PARD3B: variants seen among roughly 807,000 people sequenced by gnomAD.
PARD3B encodes the protein partitioning defective 3 homolog B.
PARD3B carries 103 observed loss-of-function variants against 130.2 expected under a neutral mutation model. The observed-to-expected ratio is 0.79, with a 90% CI of 0.67 to 0.93. PARD3B has a LOEUF of 0.93. PARD3B is among the 40% of genes least tolerant of loss of function. PARD3B has a pLI of 0.00. For missense variants in PARD3B, 1,609 were observed against 1,499.2 expected (o/e 1.07, Z -1.21); for synonymous variants, 583 against 553.2 (o/e 1.05, Z -0.76).
intron 15 of PARD3B, among the ~76,000 whole-genome samples, chr2:205,226,478 T>A (rs975388340): frequency 1.3e-5 from 2 of 152,236 alleles, no homozygotes; most frequent in African/African-American, 4.8e-5. Flanking sequence ...TGTAGTAGTT[T>A]CATGGTTTGG....
chr2:205,402,397 C>G (rs994620599), intron 19 of PARD3B, among the ~76,000 whole-genome samples: 2 of 152,232 alleles, frequency 1.3e-5, no homozygotes, highest in Admixed American at 1.3e-4. Flanking sequence ...GGGGAGCCTA[C>G]ATCATAGATC....
At chr2:204,784,008 T>A (rs1316352144) in intron 2 of PARD3B, among the ~76,000 whole-genome samples, 1 of 152,150 alleles carries the variant, frequency 6.6e-6, no homozygotes, top group African/African-American at 2.4e-5. Flanking sequence ...GTTCCTGGGT[T>A]CAGAAGTGTA....
chr2:204,984,638 G>A (rs539201454), intron 3 of PARD3B, among the ~76,000 whole-genome samples: 2 of 152,112 alleles, frequency 1.3e-5, no homozygotes. Flanking sequence ...GCAGGAAATG[G>A]AGCGGCCCTG....
intron 2 of PARD3B, among the ~76,000 whole-genome samples, chr2:204,897,076 T>A (rs1193723895): frequency 1.3e-5 from 2 of 152,242 alleles, no homozygotes; most frequent in East Asian, 3.9e-4. Context: ...ATTTTAAGTG[T>A]TTTTCCCTTA....
intron 3 of PARD3B, among the ~76,000 whole-genome samples, chr2:205,022,229 A>T (rs1696666530): frequency 6.6e-6 from 1 of 152,186 alleles, no homozygotes; most frequent in Non-Finnish European, 1.5e-5. Flanking sequence ...TTCTATTATG[A>T]ATACTATGCC....
intron 1 of PARD3B, among the ~76,000 whole-genome samples, chr2:204,662,580 G>A (rs2125186806): frequency 6.6e-6 from 1 of 152,278 alleles, no homozygotes; most frequent in East Asian, 1.9e-4. Context: ...AGTGCTTCAT[G>A]TGTACTTCCT....
At chr2:205,260,638 A>G (rs2040268247) in intron 16 of PARD3B, among the ~76,000 whole-genome samples, 1 of 152,120 alleles carries the variant, frequency 6.6e-6, no homozygotes. Context: ...TCACTTTCAT[A>G]TAATTTCTTG....
intron 19 of PARD3B, among the ~76,000 whole-genome samples, chr2:205,406,351 T>A (rs1201925302): frequency 6.6e-6 from 1 of 152,192 alleles, no homozygotes; most frequent in Non-Finnish European, 1.5e-5. Flanking sequence ...AGAGGTAGTA[T>A]TCAGCTTAAT....
chr2:204,781,245 A>G (rs1316651185), intron 2 of PARD3B, among the ~76,000 whole-genome samples: 3 of 152,116 alleles, frequency 2.0e-5, no homozygotes, highest in Admixed American at 6.6e-5. Context: ...TTTTAGCTCA[A>G]TGCTAGGTTC....
rs143071349 is a variant in PARD3B, at chr2:204,845,339, G to A, written c.223-119813G>A. Reference sequence around the variant, plus strand: ...TTTCTGCTTTGAACAACTTTTTCATGTGGAAAACCTTAACTTTTTATAGGT... The same window carrying A: ...TTTCTGCTTTGAACAACTTTTTCATATGGAAAACCTTAACTTTTTATAGGT... On this transcript the variant is annotated intron_variant, in intron 2 of 22. Coordinates refer to ENST00000406610, the MANE Select transcript of PARD3B (RefSeq NM_001302769.2). Among the ~76,000 whole-genome samples, 230 of 152,234 alleles carry A rather than the reference G, an allele frequency of 1.5e-3. 2 individuals are homozygous for A. The highest frequency in any genetic ancestry group is 5.2e-3 in the African/African-American group (215 of 41,548).
intron 19 of PARD3B, among the ~76,000 whole-genome samples, chr2:205,427,896 A>C (rs1276221094): frequency 6.6e-6 from 1 of 152,228 alleles, no homozygotes. Flanking sequence ...AAAATAGAGC[A>C]ATGAAGACAT....
chr2:205,175,731 G>A (rs59856739), intron 12 of PARD3B, among the ~76,000 whole-genome samples: 21,804 of 150,598 alleles, frequency 0.14, 1,748 homozygotes, highest in Middle Eastern at 0.26. Context: ...AACCTTTTTG[G>A]AAAAAAAAAT....
intron 15 of PARD3B, among the ~76,000 whole-genome samples, chr2:205,210,781 A>G (rs893105590): frequency 2.6e-5 from 4 of 152,056 alleles, no homozygotes; most frequent in Non-Finnish European, 4.4e-5. Context: ...TACTTTTAAA[A>G]TCACTTCTGT....
At chr2:204,686,058 G>A (rs758553572) in intron 1 of PARD3B, 123 bp from the exon 2 acceptor site, 37 of 648,160 alleles carry the variant, frequency 5.7e-5, no homozygotes, top group Admixed American at 1.7e-4. Context: ...TTTGTTTTCA[G>A]TGTTTAAAAA....
intron 21 of PARD3B, 124 bp from the exon 22 acceptor site, chr2:205,553,199 CT>C (rs2052726526): frequency 7.3e-6 from 6 of 827,488 alleles, no homozygotes; most frequent in Non-Finnish European, 7.7e-6. Flanking sequence ...TTCTTGCTTG[CT>C]TTTCCATGGT....
At chr2:204,553,650 C>CTATATA (rs2030662355) in intron 1 of PARD3B, among the ~76,000 whole-genome samples, 2 of 26,626 alleles carry the variant, frequency 7.5e-5, no homozygotes, top group African/African-American at 1.7e-4. Context: ...TTATATATAT[C>CTATATA]CATATATATA....
chr2:205,253,348 T>C lies in PARD3B; in HGVS notation c.2185+7526T>C. ...GAGGCCATGGAACCGATGGAACTGA[T>C]GGAGGAAATGCTGGGACTGTGGGTC... On this transcript the variant is annotated intron_variant, in intron 16 of 22. Coordinates refer to ENST00000406610, the MANE Select transcript of PARD3B (RefSeq NM_001302769.2). This position sits in a 1 kb window ranked among gnomAD's most constrained non-coding sequence, Gnocchi z 4.4. The C allele has an allele frequency of 3.6e-6, 2 of 553,702 alleles. No homozygotes were observed. Among genetic ancestry groups the C allele is most frequent in the Non-Finnish European group, 3.6e-6 (1 of 274,258 alleles). The allele number at this position is 553,702 out of a possible 1,614,324, so 34.3% of individuals were successfully genotyped here. A position where few individuals can be genotyped will look rare whatever the true frequency, so the allele number is the denominator to read the frequency against.
chr2:205,510,950 A>G (rs999127617), intron 21 of PARD3B, among the ~76,000 whole-genome samples: 1 of 152,216 alleles, frequency 6.6e-6, no homozygotes, highest in South Asian at 2.1e-4. Context: ...CCTCATGGCC[A>G]CACAATCATT....
intron 1 of PARD3B, among the ~76,000 whole-genome samples, chr2:204,548,903 G>A (rs1176576361): frequency 6.6e-6 from 1 of 152,198 alleles, no homozygotes; most frequent in Non-Finnish European, 1.5e-5. Flanking sequence ...TGAATGTAAA[G>A]TAAGTCCATT....
Sources: allele counts gnomAD v4.1 joint callset (sites outside exome capture counted in the v4.1 genomes callset), GRCh38; gene constraint gnomAD v4.1.1; non-coding constraint Gnocchi (gnomAD v3.1); transcripts MANE v1.5; gene names NCBI Gene and HGNC (gene_info 2026-07-23, HGNC 2026-07-21).